The following ZNRF3 variants were observed in gnomAD, a reference collection of about 807,000 sequenced individuals.
ZNRF3 encodes the protein E3 ubiquitin-protein ligase ZNRF3.
Under a neutral mutation model 72.5 loss-of-function variants are expected in ZNRF3, and 23 were observed. The observed-to-expected ratio is 0.32, with a 90% CI of 0.23 to 0.45. The LOEUF (loss-of-function observed/expected upper bound fraction) is 0.45, where lower values mean the gene tolerates loss of function less well. Ranked by LOEUF, ZNRF3 falls within the 20% of genes least tolerant of loss-of-function variation. The pLI is 1.00. For missense variants in ZNRF3, 1,169 were observed against 1,272.1 expected (o/e 0.92, Z 1.23); for synonymous variants, 610 against 545.3 (o/e 1.12, Z -1.65).
chr22:29,047,578 G>A (rs1443719696), intron 6 of ZNRF3, among the ~76,000 whole-genome samples: 4 of 152,178 alleles, frequency 2.6e-5, no homozygotes, highest in Admixed American at 6.5e-5. Context: ...GTGATCTTGG[G>A]CAAGTGACTT....
intron 1 of ZNRF3, among the ~76,000 whole-genome samples, chr22:28,918,525 T>TG: frequency 7.7e-6 from 1 of 129,310 alleles, no homozygotes; most frequent in Non-Finnish European, 1.6e-5. Flanking sequence ...TGTATGTGTA[T>TG]CTGCATGTGT....
At chr22:28,950,401 G>A (rs2035138878) in intron 1 of ZNRF3, among the ~76,000 whole-genome samples, 1 of 152,168 alleles carries the variant, frequency 6.6e-6, no homozygotes, top group South Asian at 2.1e-4. Flanking sequence ...AACTTGCATG[G>A]TGATAGCAGC....
intron 1 of ZNRF3, among the ~76,000 whole-genome samples, chr22:28,940,836 T>C (rs1470537423): frequency 6.6e-6 from 1 of 152,184 alleles, no homozygotes; most frequent in Non-Finnish European, 1.5e-5. Context: ...AGCCTGATGG[T>C]TTCAGCACCC....
chr22:29,033,540 G>A (rs1018372546), intron 2 of ZNRF3, among the ~76,000 whole-genome samples: 5 of 152,136 alleles, frequency 3.3e-5, no homozygotes, highest in Admixed American at 2.6e-4. Context: ...CCGTGTTGGG[G>A]AGGGGGCAGG....
chr22:28,984,989 T>C (rs1355597143), intron 1 of ZNRF3, among the ~76,000 whole-genome samples: 1 of 152,172 alleles, frequency 6.6e-6, no homozygotes, highest in African/African-American at 2.4e-5. Context: ...TCACCCACTA[T>C]AAAGACAGCT....
intron 2 of ZNRF3, among the ~76,000 whole-genome samples, chr22:28,990,205 C>T (rs1179933095): frequency 1.3e-5 from 2 of 152,198 alleles, no homozygotes. Context: ...TGTGGAGAGG[C>T]TGTTGTGGGT....
At chr22:28,932,668 C>G (rs994017984) in intron 1 of ZNRF3, among the ~76,000 whole-genome samples, 7 of 152,162 alleles carry the variant, frequency 4.6e-5, no homozygotes, top group Non-Finnish European at 8.8e-5. Flanking sequence ...CAACTGGAAC[C>G]CCAAAAGCCT....
chr22:28,944,959 AAAT>A (rs199573329), intron 1 of ZNRF3, among the ~76,000 whole-genome samples: 19 of 133,000 alleles, frequency 1.4e-4, no homozygotes, highest in Admixed American at 7.8e-4. Flanking sequence ...ATAAATAAAT[AAAT>A]AATAATAATA....
At chr22:28,970,652 A>G (rs2035555665) in intron 1 of ZNRF3, among the ~76,000 whole-genome samples, 1 of 152,242 alleles carries the variant, frequency 6.6e-6, no homozygotes, top group African/African-American at 2.4e-5. Context: ...TCACCCATAC[A>G]GTGGACCACT....
In ZNRF3 at chr22:29,054,667, T is replaced by A. The variant is rs1321304367; in HGVS notation, c.*1045T>A. The A allele has an allele frequency of 1.3e-5, 2 of 152,758 alleles. No individual in the cohort carries two copies. Among genetic ancestry groups the A allele is most frequent in the South Asian group, 4.1e-4 (2 of 4,826 alleles). The allele number at this position is 152,758 out of a possible 1,614,324, so 9.5% of individuals were successfully genotyped here. A position where few individuals can be genotyped will look rare whatever the true frequency, so the allele number is the denominator to read the frequency against. ...GTACTTTTGTGGCCTTGGTGTCCGA[T>A]GGGGCTGGGGGAGAGTGCTCTCCAC... On this transcript the variant is annotated 3_prime_UTR_variant, in exon 9 of 9. Transcript: ENST00000544604.
chr22:28,883,946 C>T lies in ZNRF3; in HGVS notation c.180C>T (p.Phe60=), dbSNP rs750157340. The T allele has an allele frequency of 3.6e-5, 45 of 1,267,452 alleles. No homozygotes were observed. In the South Asian group the frequency reaches 5.9e-4, roughly 17 times the overall value. The allele number at this position is 1,267,452 out of a possible 1,614,324, so 78.5% of individuals were successfully genotyped here. ...CGGCGCGGGCCAAGGAGACGGCGTT[C>T]GTGGAGGTGGTGCTGTTCGAGTCGA... ...PGAARAKETA[F]VEVVLFESSP... The change falls in exon 1 of 9, where the codon TTC becomes TTT. Residue 60 remains phenylalanine (F), a synonymous_variant. Transcript: ENST00000544604. This position sits in a 1 kb window ranked among gnomAD's most constrained non-coding sequence, Gnocchi z 5.5.
intron 2 of ZNRF3, among the ~76,000 whole-genome samples, chr22:29,037,005 A>G (rs2036878376): frequency 6.6e-6 from 1 of 152,224 alleles, no homozygotes; most frequent in African/African-American, 2.4e-5. Context: ...CTAACAGTCC[A>G]GCTTCCTTGG....
At chr22:28,922,368 A>G (rs1406687520) in intron 1 of ZNRF3, among the ~76,000 whole-genome samples, 1 of 152,226 alleles carries the variant, frequency 6.6e-6, no homozygotes, top group Non-Finnish European at 1.5e-5. Flanking sequence ...AAATAAATGC[A>G]TGTTATTTAA....
chr22:28,967,848 C>G (rs2035499991), intron 1 of ZNRF3, among the ~76,000 whole-genome samples: 1 of 151,172 alleles, frequency 6.6e-6, no homozygotes, highest in Non-Finnish European at 1.5e-5. Flanking sequence ...TCGCTTGAGC[C>G]CAGGGGGGTT....
chr22:29,021,812 A>G, intron 2 of ZNRF3, among the ~76,000 whole-genome samples: 1 of 152,194 alleles, frequency 6.6e-6, no homozygotes, highest in East Asian at 1.9e-4. Flanking sequence ...ATTGAAGTAT[A>G]ATAGACATGT....
chr22:28,982,433 C>CAAAAAAAA (rs61589852), intron 1 of ZNRF3, among the ~76,000 whole-genome samples: 1 of 76,530 alleles, frequency 1.3e-5, no homozygotes, highest in Non-Finnish European at 2.5e-5. Context: ...CCTGTCTCTA[C>CAAAAAAAA]AAAAAAAAAA....
intron 1 of ZNRF3, among the ~76,000 whole-genome samples, chr22:28,889,085 G>A (rs925061545): frequency 1.3e-5 from 2 of 151,800 alleles, no homozygotes; most frequent in Admixed American, 6.6e-5. Flanking sequence ...ACTGCACTCC[G>A]GCTTGGGTGA....
intron 2 of ZNRF3, among the ~76,000 whole-genome samples, chr22:28,993,776 G>A (rs907568718): frequency 2.0e-5 from 3 of 152,140 alleles, no homozygotes; most frequent in African/African-American, 7.2e-5. Context: ...TCAAACTCCC[G>A]GGCTCAAGTA....
chr22:28,907,857 C>T (rs2123758219), intron 1 of ZNRF3, among the ~76,000 whole-genome samples: 1 of 152,306 alleles, frequency 6.6e-6, no homozygotes, highest in South Asian at 2.1e-4. Flanking sequence ...AATTGAAAAG[C>T]ATTTGTGGTT....
Sources: gnomAD v4.1 joint callset for allele counts (sites outside exome capture counted in the v4.1 genomes callset) on GRCh38, gnomAD v4.1.1 for gene constraint, Gnocchi (gnomAD v3.1) non-coding constraint, MANE v1.5 for transcripts, NCBI Gene and HGNC (gene_info 2026-07-23, HGNC 2026-07-21) for gene names.